HNRNPF: variants seen among roughly 807,000 people sequenced by gnomAD.
The protein encoded by HNRNPF is heterogeneous nuclear ribonucleoprotein F.
In HNRNPF, 2 loss-of-function variants were observed where a neutral mutation model predicts 26.0. That is an observed-to-expected ratio of 0.08 (90% CI 0.03 to 0.24). HNRNPF has a LOEUF of 0.24. Among genes scored for constraint, HNRNPF ranks in the 10% least tolerant of loss-of-function variants. HNRNPF has a pLI of 1.00. For missense variants in HNRNPF, 299 were observed against 539.2 expected (o/e 0.55, Z 4.41); for synonymous variants, 234 against 211.5 (o/e 1.11, Z -0.92).
At chr10:43,408,663 A>C (rs1355610921) in intron 1 of HNRNPF, 1 of 146,694 alleles carries the variant, frequency 6.8e-6, no homozygotes, top group Non-Finnish European at 1.5e-5. Context: ...CCCCAGGGGG[A>C]CCCGGTCCCC....
intron 2 of HNRNPF, 31 bp downstream of exon 2, chr10:43,396,425 G>A (rs1326158338): frequency 6.6e-6 from 1 of 152,232 alleles, no homozygotes; most frequent in Non-Finnish European, 1.5e-5. Flanking sequence ...CCACCCGGCC[G>A]GGCCCGCGGA....
intron 1 of HNRNPF, among the ~76,000 whole-genome samples, chr10:43,401,566 A>G (rs1212409588): frequency 6.6e-6 from 1 of 152,230 alleles, no homozygotes; most frequent in Non-Finnish European, 1.5e-5. Context: ...AACTGAGGGC[A>G]AATATCATTA....
chr10:43,395,913 G>A (rs1187594894), intron 2 of HNRNPF, among the ~76,000 whole-genome samples: 1 of 152,178 alleles, frequency 6.6e-6, no homozygotes, highest in Non-Finnish European at 1.5e-5. Context: ...GCACGCAGAG[G>A]AAGAGTCTGG....
At chr10:43,395,510 C>T (rs1838453048) in intron 2 of HNRNPF, among the ~76,000 whole-genome samples, 1 of 152,180 alleles carries the variant, frequency 6.6e-6, no homozygotes, top group Non-Finnish European at 1.5e-5. Context: ...TATGCTGAAC[C>T]TGTTGTCTTA....
chr10:43,406,820 C>CTA (rs908530944), intron 1 of HNRNPF, among the ~76,000 whole-genome samples: 2 of 152,150 alleles, frequency 1.3e-5, no homozygotes, highest in African/African-American at 4.8e-5. Flanking sequence ...GATAATGACT[C>CTA]TAATCTACAG....
intron 1 of HNRNPF, among the ~76,000 whole-genome samples, chr10:43,399,106 G>A (rs1838668888): frequency 6.6e-6 from 1 of 152,172 alleles, no homozygotes; most frequent in Non-Finnish European, 1.5e-5. Flanking sequence ...GTGGGGAGAT[G>A]GAGAATAACT....
At chr10:43,403,281 G>T (rs144730582) in intron 1 of HNRNPF, among the ~76,000 whole-genome samples, 111 of 152,274 alleles carry the variant, frequency 7.3e-4, no homozygotes, top group African/African-American at 2.6e-3. Context: ...GCCCTGCTGG[G>T]ATTAAAGGTG....
At chr10:43,395,534 C>A (rs1662990423) in intron 2 of HNRNPF, among the ~76,000 whole-genome samples, 1 of 152,172 alleles carries the variant, frequency 6.6e-6, no homozygotes, top group Non-Finnish European at 1.5e-5. Context: ...TGAAGATAAT[C>A]AAATCTGCCT....
At chr10:43,404,757 G>A (rs1479645809) in intron 1 of HNRNPF, among the ~76,000 whole-genome samples, 1 of 152,094 alleles carries the variant, frequency 6.6e-6, no homozygotes, top group African/African-American at 2.4e-5. Flanking sequence ...CTTGAACCCA[G>A]GAGGCAGTGA....
chr10:43,388,066 C>G (rs116110063), intron 3 of HNRNPF, 130 bp from the exon 4 acceptor site: 2 of 569,052 alleles, frequency 3.5e-6, no homozygotes, highest in Non-Finnish European at 6.1e-6. Flanking sequence ...AACTCCAGGT[C>G]TCTCAAAAAA....
intron 3 of HNRNPF, 68 bp from the exon 4 acceptor site, chr10:43,388,004 G>C: frequency 1.3e-6 from 1 of 765,598 alleles, no homozygotes; most frequent in Non-Finnish European, 2.1e-6. Flanking sequence ...ACAGACGAGA[G>C]AGGTAGCAAG....
chr10:43,405,971 G>GCCCA (rs2131993145), intron 1 of HNRNPF, among the ~76,000 whole-genome samples: 1 of 152,154 alleles, frequency 6.6e-6, no homozygotes, highest in African/African-American at 2.4e-5. Context: ...ACCCAGTTGG[G>GCCCA]ACTGGGTCCC....
intron 2 of HNRNPF, among the ~76,000 whole-genome samples, chr10:43,396,208 C>G (rs1334665900): frequency 1.3e-5 from 2 of 152,262 alleles, no homozygotes; most frequent in Admixed American, 1.3e-4. Context: ...ACCAGTTCGG[C>G]TATCTGCAGA....
At chr10:43,390,828 A>G (rs1838215835) in intron 3 of HNRNPF, among the ~76,000 whole-genome samples, 2 of 152,270 alleles carry the variant, frequency 1.3e-5, no homozygotes, top group South Asian at 4.2e-4. Flanking sequence ...ATTTTGGACC[A>G]GACAGTTCTT....
chr10:43,407,424 G>A (rs1838958611), intron 1 of HNRNPF, among the ~76,000 whole-genome samples: 1 of 152,096 alleles, frequency 6.6e-6, no homozygotes, highest in African/African-American at 2.4e-5. Flanking sequence ...GGACACACGC[G>A]GAGCCGAGCG....
At chr10:43,397,342 C>G (rs1838584496) in intron 1 of HNRNPF, 1 of 152,274 alleles carries the variant, frequency 6.6e-6, no homozygotes, top group Admixed American at 6.5e-5. Flanking sequence ...CAATGGGAAA[C>G]GCGTGCCTGC....
At chr10:43,408,513 G>C (rs534953972) in intron 1 of HNRNPF, among the ~76,000 whole-genome samples, 1 of 152,204 alleles carries the variant, frequency 6.6e-6, no homozygotes, top group Non-Finnish European at 1.5e-5. Flanking sequence ...CTTAAACTCA[G>C]ATCGCTCTTC....
chr10:43,400,823 C>T (rs1165288677), intron 1 of HNRNPF, among the ~76,000 whole-genome samples: 2 of 152,202 alleles, frequency 1.3e-5, no homozygotes, highest in African/African-American at 2.4e-5. Context: ...AGTGGCCAGG[C>T]ACAGTGGCTC....
intron 3 of HNRNPF, among the ~76,000 whole-genome samples, chr10:43,393,370 C>T (rs557552380): frequency 3.9e-5 from 6 of 152,094 alleles, no homozygotes; most frequent in Non-Finnish European, 5.9e-5. Context: ...CTGAGGCGGG[C>T]AGGTCACCTG....
Sources: allele counts gnomAD v4.1 joint callset (sites outside exome capture counted in the v4.1 genomes callset), GRCh38; gene constraint gnomAD v4.1.1; transcripts MANE v1.5; gene names NCBI Gene and HGNC (gene_info 2026-07-23, HGNC 2026-07-21).